MYL4: variants seen among roughly 807,000 people sequenced by gnomAD.
MYL4 encodes the protein atrial myosin light chain 1.
Under a neutral mutation model 21.6 loss-of-function variants are expected in MYL4, and 16 were observed. The ratio of observed to expected loss-of-function variants is 0.74; its 90% CI spans 0.50 to 1.12. MYL4 has a LOEUF of 1.12. MYL4 is among the 50% of genes most tolerant of loss of function. MYL4 has a pLI of 0.00. For synonymous variants in MYL4, 82 were observed against 95.7 expected, an observed-to-expected ratio of 0.86 and a Z score of 0.83; for missense variants, 249 against 252.9, an observed-to-expected ratio of 0.98 and a Z score of 0.11.
chr17:47,218,836 C>A (rs1031991311), intron 2 of MYL4, among the ~76,000 whole-genome samples: 2 of 152,148 alleles, frequency 1.3e-5, no homozygotes, highest in Non-Finnish European at 2.9e-5. Context: ...AGTTAAGGTT[C>A]TTTGAAAAAG....
chr17:47,197,130 G>T (rs1000046914), upstream of MYL4, among the ~76,000 whole-genome samples: 1 of 128,814 alleles, frequency 7.8e-6, no homozygotes, highest in African/African-American at 3.1e-5. Flanking sequence ...ACAGAGTCTC[G>T]CACTGTCGCC....
intron 2 of MYL4, 40 bp from the exon 3 acceptor site, chr17:47,219,864 A>G (rs778301288): frequency 6.2e-7 from 1 of 1,613,438 alleles, no homozygotes; most frequent in Non-Finnish European, 8.5e-7. Flanking sequence ...CACCACCTTC[A>G]CTGGGGATTG....
chr17:47,219,756 G>A (rs2064840560), intron 2 of MYL4, 148 bp from the exon 3 acceptor site: 1 of 973,940 alleles, frequency 1.0e-6, no homozygotes, highest in Admixed American at 2.2e-5. Context: ...CGGGTTCGAG[G>A]GACGGCCTGG....
chr17:47,214,989 G>A (rs1567747177), intron 2 of MYL4, among the ~76,000 whole-genome samples: 1 of 152,136 alleles, frequency 6.6e-6, no homozygotes, highest in African/African-American at 2.4e-5. Flanking sequence ...TTTCCGGTGG[G>A]AGGATATCAG....
At chr17:47,209,258 T>G, upstream of MYL4, 1 of 863,112 alleles carries the variant, frequency 1.2e-6, no homozygotes, top group Non-Finnish European at 1.8e-6. Context: ...CTTCCTTTTA[T>G]AGTCAGCAGC....
chr17:47,197,787 A>G (rs796789031), upstream of MYL4, among the ~76,000 whole-genome samples: 33 of 152,268 alleles, frequency 2.2e-4, no homozygotes, highest in African/African-American at 7.7e-4. Flanking sequence ...CTAAACTATG[A>G]TGTTCAGTAG....
At chr17:47,192,739 G>A in the MYL4 span, among the ~76,000 whole-genome samples, 1 of 151,958 alleles carries the variant, frequency 6.6e-6, no homozygotes, top group African/African-American at 2.4e-5. Context: ...AAGCCACATT[G>A]TTTGAAGTAC....
chr17:47,212,844 TG>T lies in MYL4; in HGVS notation c.136-953del, dbSNP rs538656914. ...ACAACTTAGTTTCAGCTTGGTGACA[TG>T]GAACTTCAGCATGAGTGAATCTATT... is the stretch of plus-strand genomic sequence containing the variant. On this transcript the variant is annotated intron_variant, in intron 1 of 6. Coordinates refer to ENST00000393450, the MANE Select transcript of MYL4 (RefSeq NM_002476.2). 2.0e-3 allele frequency among the ~76,000 whole-genome samples: 312 copies of T among 152,298 alleles called. 3 individuals carry two copies. The highest frequency in any genetic ancestry group is 0.014 in the Middle Eastern group (4 of 294).
upstream of MYL4, among the ~76,000 whole-genome samples, chr17:47,196,784 A>T (rs145499913): frequency 5.3e-4 from 81 of 152,228 alleles, no homozygotes; most frequent in East Asian, 0.013. Flanking sequence ...TATTTGTTTA[A>T]TATAAGCTGC....
chr17:47,200,843 C>G (rs2149037853), intron 1 of MYL4, among the ~76,000 whole-genome samples: 1 of 152,310 alleles, frequency 6.6e-6, no homozygotes, highest in Admixed American at 6.5e-5. Flanking sequence ...TCCACCTATG[C>G]TAAAGCAGTC....
At chr17:47,226,918 G>A (rs1057378996), downstream of MYL4, among the ~76,000 whole-genome samples, 7 of 152,056 alleles carry the variant, frequency 4.6e-5, no homozygotes, top group Admixed American at 1.3e-4. Flanking sequence ...GCAGTGGCAC[G>A]ATCTCAGCTC....
At chr17:47,195,542 A>G (rs559329698), upstream of MYL4, among the ~76,000 whole-genome samples, 399 of 152,180 alleles carry the variant, frequency 2.6e-3, 5 homozygotes, top group African/African-American at 9.0e-3. Flanking sequence ...TATTTTTAGT[A>G]GAGACTGGGT....
At chr17:47,200,194 G>A (rs1362905982), upstream of MYL4, among the ~76,000 whole-genome samples, 2 of 149,698 alleles carry the variant, frequency 1.3e-5, no homozygotes, top group Non-Finnish European at 3.0e-5. Flanking sequence ...GTGTGCTAGA[G>A]AGGAAGTCAG....
At chr17:47,197,191 C>T (rs1168075900), upstream of MYL4, among the ~76,000 whole-genome samples, 1 of 151,344 alleles carries the variant, frequency 6.6e-6, no homozygotes, top group Non-Finnish European at 1.5e-5. Flanking sequence ...CTCCACCTCC[C>T]GGGTTCATGT....
At chr17:47,207,379 C>A (rs73327192), upstream of MYL4, among the ~76,000 whole-genome samples, 2,466 of 152,280 alleles carry the variant, frequency 0.016, 56 homozygotes, top group African/African-American at 0.056. Context: ...GAGGCAACTT[C>A]AACGTTTCCC....
downstream of MYL4, among the ~76,000 whole-genome samples, chr17:47,224,079 T>C (rs1213850274): frequency 6.6e-6 from 1 of 152,220 alleles, no homozygotes; most frequent in Admixed American, 6.5e-5. Flanking sequence ...AAATTTACCA[T>C]CTTAACCATT....
At chr17:47,227,338 A>C (rs148209980), downstream of MYL4, among the ~76,000 whole-genome samples, 300 of 152,342 alleles carry the variant, frequency 2.0e-3, 1 homozygote, top group African/African-American at 5.5e-3. Context: ...TCCTGGGAAG[A>C]GGTATGCATA....
chr17:47,220,176 A>T, intron 3 of MYL4, 123 bp downstream of exon 3: 1 of 1,214,626 alleles, frequency 8.2e-7, no homozygotes, highest in Non-Finnish European at 1.1e-6. Flanking sequence ...CCTCAGGACC[A>T]GCCTCACCTA....
chr17:47,224,141 G>A (rs896265203), downstream of MYL4, among the ~76,000 whole-genome samples: 5 of 152,198 alleles, frequency 3.3e-5, no homozygotes, highest in East Asian at 9.6e-4. Context: ...TTGTGTAACT[G>A]TATTAGTCTC....
Sources: allele counts gnomAD v4.1 joint callset (sites outside exome capture counted in the v4.1 genomes callset), GRCh38; gene constraint gnomAD v4.1.1; transcripts MANE v1.5; gene names NCBI Gene and HGNC (gene_info 2026-07-23, HGNC 2026-07-21).